Variants in NPAS3 observed in about 807,000 individuals in gnomAD.
The protein encoded by NPAS3 is neuronal PAS domain-containing protein 3.
NPAS3 carries 14 observed loss-of-function variants against 73.1 expected under a neutral mutation model. The observed-to-expected ratio is 0.19, with a 90% CI of 0.13 to 0.30. The LOEUF is 0.30. NPAS3 is among the 10% of genes least tolerant of loss of function. The pLI is 1.00. For synonymous variants in NPAS3, 620 were observed against 541.5 expected (o/e 1.14, Z -2.01); for missense variants, 1,096 against 1,250.0 (o/e 0.88, Z 1.86).
At chr14:33,421,098 T>C (rs2048343020) in intron 4 of NPAS3, among the ~76,000 whole-genome samples, 1 of 151,934 alleles carries the variant, frequency 6.6e-6, no homozygotes, top group Non-Finnish European at 1.5e-5. Context: ...CTCTTTTACA[T>C]TTGGTTCTTT....
chr14:33,106,363 G>A (rs1453784545), intron 2 of NPAS3, among the ~76,000 whole-genome samples: 1 of 152,128 alleles, frequency 6.6e-6, no homozygotes, highest in Admixed American at 6.6e-5. Context: ...CACTTAACCT[G>A]CTATTAAATG....
chr14:33,249,885 G>A (rs955239948), intron 3 of NPAS3, among the ~76,000 whole-genome samples: 2 of 150,914 alleles, frequency 1.3e-5, no homozygotes, highest in Admixed American at 6.6e-5. Context: ...CTATTGTAAC[G>A]CGTTTGGAAG....
chr14:33,077,233 A>G (rs1040199377), intron 2 of NPAS3, among the ~76,000 whole-genome samples: 1 of 151,948 alleles, frequency 6.6e-6, no homozygotes, highest in Non-Finnish European at 1.5e-5. Flanking sequence ...TTGCAATTCA[A>G]AATGGGGTGG....
chr14:33,526,140 C>T (rs1367089336), intron 4 of NPAS3, among the ~76,000 whole-genome samples: 1 of 151,980 alleles, frequency 6.6e-6, no homozygotes, highest in East Asian at 1.9e-4. Context: ...TAGAACTTAC[C>T]GGGAGTACCT....
intron 3 of NPAS3, among the ~76,000 whole-genome samples, chr14:33,257,257 A>G (rs1367153728): frequency 6.6e-6 from 1 of 152,132 alleles, no homozygotes; most frequent in Admixed American, 6.5e-5. Context: ...GTCTGTTTGC[A>G]CCAACGCTTA....
chr14:33,795,715 T>C lies in NPAS3; in HGVS notation c.1301+1671T>C, dbSNP rs1013251984. Among the ~76,000 whole-genome samples, 5 of 152,306 alleles carry C rather than the reference T, an allele frequency of 3.3e-5. No individual in the cohort carries two copies. The East Asian group carries it at 7.7e-4, about 24-fold the overall frequency. ...CTTTCTTACTGCCTCATCAGCCTCA[T>C]GACTTCCTCCTCTGCCCACAAATGC... is the stretch of plus-strand genomic sequence containing the variant. On this transcript the variant is annotated intron_variant, in intron 10 of 11. Transcript: ENST00000356141.
intron 3 of NPAS3, among the ~76,000 whole-genome samples, chr14:33,271,508 T>C (rs2041081255): frequency 6.6e-6 from 1 of 152,118 alleles, no homozygotes; most frequent in Non-Finnish European, 1.5e-5. Flanking sequence ...CCTTTGCTTC[T>C]GAGGCTTTCA....
At chr14:33,544,825 A>ATATATATTATATATATATAAT in intron 4 of NPAS3, among the ~76,000 whole-genome samples, 1 of 112,186 alleles carries the variant, frequency 8.9e-6, no homozygotes, top group African/African-American at 4.1e-5. Context: ...TATATAATAT[A>ATATATATTATATATATATAAT]TATGTGTATA....
At chr14:32,964,190 ACATT>A (rs1488980010) in intron 1 of NPAS3, among the ~76,000 whole-genome samples, 3 of 148,000 alleles carry the variant, frequency 2.0e-5, no homozygotes, top group Non-Finnish European at 3.0e-5. Flanking sequence ...AAAAAAGAGA[ACATT>A]AATTAATTTA....
At chr14:33,579,916 T>C (rs1004349315) in intron 5 of NPAS3, among the ~76,000 whole-genome samples, 1 of 152,184 alleles carries the variant, frequency 6.6e-6, no homozygotes, top group African/African-American at 2.4e-5. Context: ...ATCTTGTAGG[T>C]TTACCATATG....
chr14:33,168,036 T>C (rs2045232162), intron 2 of NPAS3, among the ~76,000 whole-genome samples: 1 of 152,172 alleles, frequency 6.6e-6, no homozygotes, highest in Non-Finnish European at 1.5e-5. Flanking sequence ...GGCTTGTTTT[T>C]TCATTTAGCA....
chr14:32,968,761 C>T (rs1268931851), intron 1 of NPAS3, among the ~76,000 whole-genome samples: 14 of 127,700 alleles, frequency 1.1e-4, no homozygotes, highest in Non-Finnish European at 2.0e-4. Flanking sequence ...AGGGAAGCCA[C>T]TACTTTCTTT....
intron 3 of NPAS3, among the ~76,000 whole-genome samples, chr14:33,235,527 G>A (rs2048001655): frequency 6.6e-6 from 1 of 151,984 alleles, no homozygotes; most frequent in Non-Finnish European, 1.5e-5. Flanking sequence ...GCATATATTT[G>A]AAGGAGAAAG....
chr14:33,288,362 A>T (rs549238640), intron 3 of NPAS3, among the ~76,000 whole-genome samples: 1 of 152,078 alleles, frequency 6.6e-6, no homozygotes, highest in Non-Finnish European at 1.5e-5. Flanking sequence ...TTCATATTTC[A>T]TAGTCTCACA....
At position 33,580,266 on chromosome 14, in the gene NPAS3, C is replaced by T. The variant is rs150738927; in HGVS notation, c.558+20056C>T. Among the ~76,000 whole-genome samples, 142 of 152,260 alleles carry T rather than the reference C, an allele frequency of 9.3e-4. 2 individuals are homozygous for T. The highest frequency in any genetic ancestry group is 3.2e-3 in the African/African-American group (132 of 41,544). On this transcript the variant is annotated intron_variant, in intron 5 of 11. Coordinates refer to ENST00000356141, the Ensembl canonical transcript of NPAS3. The stretch of plus-strand genomic sequence containing the variant: ...TGGATGGAGAATTCAGAGCAACCAA[C>T]GTCTTCTTTATTAACTGGGCAAAAG...
chr14:33,268,904 C>CT (rs2040943911), intron 3 of NPAS3, among the ~76,000 whole-genome samples: 1 of 152,118 alleles, frequency 6.6e-6, no homozygotes, highest in Non-Finnish European at 1.5e-5. Flanking sequence ...CTGGAAAGGG[C>CT]TTTTTTGCCT....
intron 9 of NPAS3, among the ~76,000 whole-genome samples, chr14:33,787,143 T>C (rs1266216118): frequency 6.6e-6 from 1 of 152,186 alleles, no homozygotes; most frequent in East Asian, 1.9e-4. Context: ...TGAAACTCCC[T>C]GGTCAGACTG....
intron 3 of NPAS3, among the ~76,000 whole-genome samples, chr14:33,223,175 G>A (rs186296993): frequency 4.9e-4 from 75 of 152,256 alleles, no homozygotes; most frequent in Admixed American, 7.8e-4. Context: ...GCCAGGTGTC[G>A]TGGCAAGTGC....
chr14:33,331,964 C>A (rs1318217469), intron 3 of NPAS3, among the ~76,000 whole-genome samples: 1 of 152,166 alleles, frequency 6.6e-6, no homozygotes, highest in Admixed American at 6.5e-5. Flanking sequence ...CGTAATGATA[C>A]CTTTAGAAAC....
Sources: gnomAD v4.1 joint callset for allele counts (sites outside exome capture counted in the v4.1 genomes callset) on GRCh38, gnomAD v4.1.1 for gene constraint, MANE v1.5 for transcripts, NCBI Gene and HGNC (gene_info 2026-07-23, HGNC 2026-07-21) for gene names.